Variants in DAPK1 observed in about 807,000 individuals in gnomAD.
The protein encoded by DAPK1 is death associated protein kinase 1.
A neutral mutation model predicts 144.9 loss-of-function variants in DAPK1; 56 were observed. The observed-to-expected ratio is 0.39, with a 90% confidence interval of 0.31 to 0.48. The LOEUF (loss-of-function observed/expected upper bound fraction) is 0.48, where lower values mean the gene tolerates loss of function less well. DAPK1 is among the 20% of genes least tolerant of loss of function. The probability of loss-of-function intolerance (pLI) is 0.95; values close to 1 mark genes in which losing one functional copy is unlikely to be tolerated. For missense variants in DAPK1, 1,454 were observed against 1,875.4 expected (o/e 0.78, Z 4.15); for synonymous variants, 690 against 749.0 (o/e 0.92, Z 1.29).
intron 2 of DAPK1, among the ~76,000 whole-genome samples, chr9:87,509,522 C>A (rs7860266): frequency 0.22 from 33,087 of 151,968 alleles, 3,955 homozygotes; most frequent in East Asian, 0.43. Flanking sequence ...CACCACGCCC[C>A]GCTAATTTTA....
chr9:87,506,796 T>C (rs898458513), intron 2 of DAPK1: 7 of 152,226 alleles, frequency 4.6e-5, no homozygotes, highest in African/African-American at 1.7e-4. Flanking sequence ...GGGTACATTC[T>C]ATTATAAACG....
At chr9:87,503,205 A>G (rs61139384) in intron 2 of DAPK1, among the ~76,000 whole-genome samples, 35,432 of 151,902 alleles carry the variant, frequency 0.23, 4,386 homozygotes, top group East Asian at 0.34. Context: ...ACTAAGTGTG[A>G]TGTGTCTAAA....
At chr9:87,637,905 A>G (rs761297457) in intron 3 of DAPK1, 38 bp from the exon 4 acceptor site, 2 of 1,604,336 alleles carry the variant, frequency 1.2e-6, no homozygotes, top group Non-Finnish European at 8.5e-7. Context: ...AATATGAAAC[A>G]GAGTTGTTAC....
At chr9:87,651,489 A>G (rs1830441134) in intron 16 of DAPK1, 38 bp from the exon 17 acceptor site, 4 of 1,606,474 alleles carry the variant, frequency 2.5e-6, no homozygotes, top group East Asian at 2.2e-5. Context: ...CACATGCCCA[A>G]GTGAAAAGCT....
At chr9:87,668,696 C>G (rs1831146390) in intron 19 of DAPK1, 22 bp downstream of exon 19, 1 of 969,872 alleles carries the variant, frequency 1.0e-6, no homozygotes, top group Admixed American at 1.7e-5. Context: ...TGTTATAGGT[C>G]TGAAGTTCTC....
intron 18 of DAPK1, among the ~76,000 whole-genome samples, chr9:87,666,795 T>G (rs962313544): frequency 6.6e-6 from 1 of 152,226 alleles, no homozygotes; most frequent in Non-Finnish European, 1.5e-5. Flanking sequence ...TTGTTGATGG[T>G]GGTTCTCTTG....
chr9:87,575,476 G>A (rs1227099580), intron 2 of DAPK1, among the ~76,000 whole-genome samples: 1 of 151,988 alleles, frequency 6.6e-6, no homozygotes, highest in Non-Finnish European at 1.5e-5. Context: ...GTGTTGTGAG[G>A]GCAAGAAACC....
At chr9:87,697,909 G>A (rs957687987) in intron 22 of DAPK1, among the ~76,000 whole-genome samples, 5 of 152,180 alleles carry the variant, frequency 3.3e-5, no homozygotes, top group Non-Finnish European at 5.9e-5. Context: ...AGCCAAGATC[G>A]TGCCACTGCA....
At chr9:87,637,302 C>T (rs2119120916) in intron 3 of DAPK1, among the ~76,000 whole-genome samples, 1 of 152,134 alleles carries the variant, frequency 6.6e-6, no homozygotes, top group East Asian at 1.9e-4. Context: ...CCATGTTGGC[C>T]AGGATGGTCT....
intron 2 of DAPK1, among the ~76,000 whole-genome samples, chr9:87,604,328 G>C (rs1261844225): frequency 6.6e-6 from 1 of 152,176 alleles, no homozygotes; most frequent in Non-Finnish European, 1.5e-5. Context: ...GTTGGGGGTG[G>C]AATCGGCTTC....
chr9:87,613,226 A>G (rs1828988565), intron 3 of DAPK1, among the ~76,000 whole-genome samples: 1 of 152,224 alleles, frequency 6.6e-6, no homozygotes, highest in Admixed American at 6.5e-5. Context: ...GTAAAACAAC[A>G]TACAGTTTAC....
intron 3 of DAPK1, among the ~76,000 whole-genome samples, chr9:87,613,254 A>T (rs1376202404): frequency 6.6e-6 from 1 of 152,186 alleles, no homozygotes; most frequent in Admixed American, 6.5e-5. Flanking sequence ...ACCATTTTTA[A>T]GTGCACAGTA....
intron 3 of DAPK1, among the ~76,000 whole-genome samples, chr9:87,620,781 G>GA (rs990853426): frequency 1.3e-4 from 20 of 150,578 alleles, no homozygotes; most frequent in South Asian, 2.1e-4. Flanking sequence ...ATTGATTTTG[G>GA]AAAAAAAAAC....
At chr9:87,584,680 G>A (rs12685283) in intron 2 of DAPK1, among the ~76,000 whole-genome samples, 6 of 131,088 alleles carry the variant, frequency 4.6e-5, no homozygotes, top group Admixed American at 8.1e-5. Flanking sequence ...GTGTGTGTGT[G>A]TGTGTGTGTG....
chr9:87,644,574 C>T lies in DAPK1; in HGVS notation c.1011+1106C>T, dbSNP rs36212381. On this transcript the variant is annotated intron_variant, in intron 11 of 25. Coordinates refer to ENST00000408954, the MANE Select transcript of DAPK1 (RefSeq NM_004938.4). ...AAAGCAAAAGAGAAGCAGATTAGGG[C>T]GAGAAGAGAGAGAAGAGGAGGCTTT... Among the ~76,000 whole-genome samples the T allele has an allele frequency of 3.1e-3, 468 of 151,014 alleles. 2 individuals carry two copies. Among genetic ancestry groups the T allele is most frequent in the African/African-American group, 0.011 (455 of 41,070 alleles).
rs144000844 is a variant in DAPK1, at chr9:87,668,525, C to T, written c.1924-72C>T. On this transcript the variant is annotated intron_variant, in intron 18 of 25. Coordinates refer to ENST00000408954, the MANE Select transcript of DAPK1 (RefSeq NM_004938.4). ...TATGCTTGTTTCTGCCTCAGACCCA[C>T]GGAATTGGCGTATGGAACACACACA... 1.4e-3 allele frequency: 1,257 copies of T among 872,996 alleles called. 4 individuals carry two copies. The highest frequency in any genetic ancestry group is 1.8e-3 in the Non-Finnish European group (889 of 504,382). 54.1% of individuals were successfully genotyped at this position (872,996 alleles called of 1,614,324 possible). A position where few individuals can be genotyped will look rare whatever the true frequency, so the allele number is the denominator to read the frequency against.
intron 2 of DAPK1, among the ~76,000 whole-genome samples, chr9:87,523,382 G>A (rs865907974): frequency 4.6e-5 from 7 of 152,082 alleles, no homozygotes; most frequent in African/African-American, 4.8e-5. Flanking sequence ...CTGCAGCCTC[G>A]ACCTCCTGGG....
chr9:87,694,866 G>A (rs1029774369), intron 21 of DAPK1, among the ~76,000 whole-genome samples: 3 of 152,112 alleles, frequency 2.0e-5, no homozygotes, highest in East Asian at 1.9e-4. Context: ...TAGCTGCTTC[G>A]GACTCAGAGA....
chr9:87,700,100 T>G lies in DAPK1; in HGVS notation c.2751-17T>G, dbSNP rs1426220476. The stretch of plus-strand genomic sequence containing the variant: ...GACATTGACTCACTGCTGAGGAGGC[T>G]GCTGCTCTTCCCTTAGGTTTGGAAA... On this transcript the variant is annotated splice_polypyrimidine_tract_variant and intron_variant, in intron 23 of 25. Coordinates refer to ENST00000408954, the MANE Select transcript of DAPK1 (RefSeq NM_004938.4). 4 of 1,608,920 alleles carry G rather than the reference T, an allele frequency of 2.5e-6. No individual in the cohort carries two copies. Among genetic ancestry groups the G allele is most frequent in the Non-Finnish European group, 3.4e-6 (4 of 1,175,366 alleles).
Sources: gnomAD v4.1 joint callset for allele counts (sites outside exome capture counted in the v4.1 genomes callset) on GRCh38, gnomAD v4.1.1 for gene constraint, MANE v1.5 for transcripts, NCBI Gene and HGNC (gene_info 2026-07-23, HGNC 2026-07-21) for gene names.